The following TLN2 variants were observed in gnomAD, a reference collection of about 807,000 sequenced individuals.
TLN2 encodes talin 2, also known as talin-2.
A neutral mutation model predicts 294.7 loss-of-function variants in TLN2; 118 were observed. The ratio of observed to expected loss-of-function variants is 0.40; its 90% confidence interval spans 0.34 to 0.47. The LOEUF is 0.47. Among genes scored for constraint, TLN2 ranks in the 20% least tolerant of loss-of-function variants. The pLI is 0.84. For synonymous variants in TLN2, 1,431 were observed against 1,304.5 expected (o/e 1.10, Z -2.09); for missense variants, 3,083 against 3,282.2 (o/e 0.94, Z 1.48).
intron 1 of TLN2, among the ~76,000 whole-genome samples, chr15:62,540,541 A>G (rs2041621027): frequency 2.0e-5 from 3 of 152,004 alleles, no homozygotes; most frequent in South Asian, 2.1e-4. Context: ...AGTGTTAACC[A>G]TAATCTGGCC....
intron 1 of TLN2, among the ~76,000 whole-genome samples, chr15:62,457,606 G>A (rs1161382955): frequency 2.0e-5 from 3 of 152,204 alleles, no homozygotes; most frequent in Non-Finnish European, 4.4e-5. Flanking sequence ...GGGAGAGAGG[G>A]ACAGCGTTCT....
intron 1 of TLN2, among the ~76,000 whole-genome samples, chr15:62,573,049 A>G (rs1243017153): frequency 5.3e-5 from 8 of 152,128 alleles, no homozygotes; most frequent in Non-Finnish European, 1.2e-4. Context: ...AACCCGTAAC[A>G]ACTCAGCCCC....
chr15:62,436,050 A>C (rs1408759901), intron 1 of TLN2, among the ~76,000 whole-genome samples: 1 of 152,138 alleles, frequency 6.6e-6, no homozygotes, highest in Non-Finnish European at 1.5e-5. Context: ...TCTTGTGCCT[A>C]CTTGTTTCAA....
intron 19 of TLN2, among the ~76,000 whole-genome samples, chr15:62,705,338 A>G (rs2058990034): frequency 6.6e-6 from 1 of 152,226 alleles, no homozygotes; most frequent in Non-Finnish European, 1.5e-5. Flanking sequence ...TCTTGAGATC[A>G]TATCTCAGAG....
intron 45 of TLN2, among the ~76,000 whole-genome samples, chr15:62,787,659 G>A (rs1203253415): frequency 6.8e-6 from 1 of 147,786 alleles, no homozygotes; most frequent in Non-Finnish European, 1.5e-5. Flanking sequence ...GCTCACTATT[G>A]CATGGAGAAG....
In TLN2 at chr15:62,439,520, C is replaced by T. The variant is rs150395912; in HGVS notation, c.-238+48835C>T. Among the ~76,000 whole-genome samples the T allele has an allele frequency of 6.0e-4, 92 of 152,256 alleles. 2 individuals are homozygous for T. The East Asian group carries it at 0.011, about 19-fold the overall frequency. ...TAGAGACAGGGTTTAGTCATGTTGG[C>T]CAGGCTGGTCTCGAGCTCCTGACCT... On this transcript the variant is annotated intron_variant, in intron 1 of 58. Coordinates refer to ENST00000636159, the MANE Select transcript of TLN2 (RefSeq NM_015059.3).
At chr15:62,805,287 A>G (rs963191010) in intron 50 of TLN2, among the ~76,000 whole-genome samples, 7 of 152,114 alleles carry the variant, frequency 4.6e-5, no homozygotes, top group Non-Finnish European at 8.8e-5. Context: ...CCATACAACA[A>G]CCTTTCACAG....
At chr15:62,492,543 CAAAAAAA>C (rs35935035) in intron 1 of TLN2, among the ~76,000 whole-genome samples, 1 of 84,648 alleles carries the variant, frequency 1.2e-5, no homozygotes, top group Non-Finnish European at 2.6e-5. Flanking sequence ...GACTCTGTCT[CAAAAAAA>C]AAAAAAAAAA....
intron 43 of TLN2, among the ~76,000 whole-genome samples, chr15:62,777,876 C>T (rs372620231): frequency 1.9e-4 from 29 of 152,180 alleles, no homozygotes; most frequent in African/African-American, 7.0e-4. Flanking sequence ...TGTTCTTTCC[C>T]CCAAAGAATC....
chr15:62,545,661 A>C lies in TLN2; in HGVS notation c.-237-44026A>C, dbSNP rs1202672676. ...TTTATGCTCAAGTGAATCAATAGTGAACAATTGTTCCCTGTTCTTGGACAG... is the reference window on the plus strand; with the variant it reads ...TTTATGCTCAAGTGAATCAATAGTGCACAATTGTTCCCTGTTCTTGGACAG... On this transcript the variant is annotated intron_variant, in intron 1 of 58. Coordinates refer to ENST00000636159, the MANE Select transcript of TLN2 (RefSeq NM_015059.3). Among the ~76,000 whole-genome samples the C allele has an allele frequency of 2.0e-5, 3 of 152,024 alleles. No homozygotes were observed. The East Asian group carries it at 5.8e-4, about 29-fold the overall frequency.
chr15:62,664,218 A>G (rs2054254147), intron 9 of TLN2, among the ~76,000 whole-genome samples: 1 of 47,466 alleles, frequency 2.1e-5, no homozygotes, highest in Middle Eastern at 0.013. Flanking sequence ...TATCCAGAAG[A>G]TATTAAAAAA....
intron 1 of TLN2, among the ~76,000 whole-genome samples, chr15:62,478,017 A>T (rs190826061): frequency 1.3e-5 from 2 of 152,218 alleles, no homozygotes; most frequent in East Asian, 1.9e-4. Context: ...AGCTAAATTG[A>T]TTCTCGCCCT....
At chr15:62,472,655 A>G (rs1037323500) in intron 1 of TLN2, among the ~76,000 whole-genome samples, 2 of 152,162 alleles carry the variant, frequency 1.3e-5, no homozygotes, top group Non-Finnish European at 2.9e-5. Flanking sequence ...TGGATGACAT[A>G]CTCTTGTTCA....
At chr15:62,742,024 G>GGTGTGTGTGTGTGT (rs1169646907) in intron 32 of TLN2, among the ~76,000 whole-genome samples, 3 of 82,222 alleles carry the variant, frequency 3.6e-5, no homozygotes, top group African/African-American at 1.3e-4. Context: ...CTTGTAGTGG[G>GGTGTGTGTGTGTGT]GTGTGTGTGT....
intron 1 of TLN2, among the ~76,000 whole-genome samples, chr15:62,471,278 G>A (rs2037457500): frequency 6.6e-6 from 1 of 152,194 alleles, no homozygotes; most frequent in Admixed American, 6.5e-5. Flanking sequence ...GGTCGAGGTC[G>A]AGGCTGCAGT....
chr15:62,474,021 G>C (rs532760883), intron 1 of TLN2, among the ~76,000 whole-genome samples: 4 of 152,318 alleles, frequency 2.6e-5, no homozygotes, highest in African/African-American at 9.6e-5. Context: ...TTGAACCCCG[G>C]AGGCGGAAGT....
At chr15:62,645,597 C>G (rs1321407412) in intron 3 of TLN2, among the ~76,000 whole-genome samples, 1 of 152,132 alleles carries the variant, frequency 6.6e-6, no homozygotes, top group Non-Finnish European at 1.5e-5. Context: ...AGCAATCAAG[C>G]ATGCTGAGAA....
intron 1 of TLN2, among the ~76,000 whole-genome samples, chr15:62,530,218 T>G (rs2040969784): frequency 6.6e-6 from 1 of 152,206 alleles, no homozygotes; most frequent in Non-Finnish European, 1.5e-5. Flanking sequence ...TTTGTTATTC[T>G]TAATATTGAT....
At chr15:62,644,838 A>G in intron 3 of TLN2, 1 of 323,208 alleles carries the variant, frequency 3.1e-6, no homozygotes, top group Non-Finnish European at 6.0e-6. Context: ...CTCTCTCTGC[A>G]TGGTTAGGGG....
Sources: gnomAD v4.1 joint callset for allele counts (sites outside exome capture counted in the v4.1 genomes callset) on GRCh38, gnomAD v4.1.1 for gene constraint, MANE v1.5 for transcripts, NCBI Gene and HGNC (gene_info 2026-07-23, HGNC 2026-07-21) for gene names.